Variants in SAXO3 observed in about 807,000 individuals in gnomAD.
SAXO3 encodes the protein CTB-60B18.10.
At chr19:49,019,251 T>A in the SAXO3 span, 1 of 1,315,032 alleles carries the variant, frequency 7.6e-7, no homozygotes, top group South Asian at 2.1e-5. Context: ...TTCAAGGAAC[T>A]CAAACCCAAG....
At chr19:49,019,315 G>T in the SAXO3 span, 1 of 1,190,396 alleles carries the variant, frequency 8.4e-7, no homozygotes, top group Non-Finnish European at 1.1e-6. Context: ...AAACCGTCTT[G>T]GTGTGGCCAC....
chr19:49,018,356 G>A, the SAXO3 span: 1 of 1,216,856 alleles, frequency 8.2e-7, no homozygotes, highest in Non-Finnish European at 1.0e-6. Flanking sequence ...GGAGCAGGGC[G>A]GGATGGTGAG....
chr19:49,019,181 C>G, the SAXO3 span: 1 of 1,412,210 alleles, frequency 7.1e-7, no homozygotes, highest in African/African-American at 1.5e-5. Context: ...ACTTCAGCTT[C>G]CTTTCTCATA....
At chr19:49,019,099 G>T in the SAXO3 span, 5 of 1,441,578 alleles carry the variant, frequency 3.5e-6, no homozygotes, top group Admixed American at 1.3e-4. Context: ...CTTCGGCCTC[G>T]ACAGCCATGA....
the SAXO3 span, chr19:49,019,065 G>T: frequency 6.8e-7 from 1 of 1,465,976 alleles, no homozygotes; most frequent in East Asian, 2.6e-5. Context: ...CCAAGCCCTG[G>T]GTCCCGAGTT....
the SAXO3 span, chr19:49,020,028 C>A: frequency 2.0e-6 from 3 of 1,464,498 alleles, no homozygotes; most frequent in Non-Finnish European, 2.7e-6. Flanking sequence ...GAGGTTGTCT[C>A]CCATCTGCTG....
chr19:49,019,992 G>A, the SAXO3 span: 1 of 1,510,306 alleles, frequency 6.6e-7, no homozygotes, highest in South Asian at 1.2e-5. Context: ...GGCCCGCCAT[G>A]GGTCTTGGGC....
chr19:49,019,133 C>T, the SAXO3 span: 1 of 1,428,224 alleles, frequency 7.0e-7, no homozygotes, highest in Non-Finnish European at 9.1e-7. Context: ...CACACCCCGC[C>T]CCAGGGTTAG....
At chr19:49,018,009 C>T in the SAXO3 span, 1 of 398,672 alleles carries the variant, frequency 2.5e-6, no homozygotes, top group Non-Finnish European at 4.4e-6. Flanking sequence ...CTGGAGTTCT[C>T]GGTACTGTAG....
chr19:49,018,699 T>C, the SAXO3 span, among the ~76,000 whole-genome samples: 1 of 151,302 alleles, frequency 6.6e-6, no homozygotes, highest in African/African-American at 2.4e-5. Context: ...TAAGGACTCC[T>C]GGGTGCTTAA....
chr19:49,018,944 G>T, the SAXO3 span: 1 of 1,534,346 alleles, frequency 6.5e-7, no homozygotes, highest in Non-Finnish European at 8.7e-7. Flanking sequence ...CGCCCCGGTC[G>T]GATACTGTGA....
the SAXO3 span, chr19:49,019,700 A>T: frequency 8.3e-6 from 10 of 1,203,004 alleles, no homozygotes; most frequent in Non-Finnish European, 1.1e-5. Context: ...TGGGGCCCGA[A>T]GTATTCCGGG....
the SAXO3 span, chr19:49,018,197 G>A: frequency 2.1e-6 from 1 of 467,724 alleles, no homozygotes; most frequent in Non-Finnish European, 3.5e-6. Context: ...GCTGACGCGC[G>A]GCACGCGGAC....
chr19:49,018,987 C>G, the SAXO3 span: 1 of 1,533,474 alleles, frequency 6.5e-7, no homozygotes, highest in South Asian at 1.2e-5. Context: ...GTTCTTCGTC[C>G]AGGCAATTAG....
the SAXO3 span, chr19:49,019,006 C>T: frequency 6.5e-7 from 1 of 1,531,612 alleles, no homozygotes; most frequent in African/African-American, 1.4e-5. Flanking sequence ...AGAGCCTGAG[C>T]AAGATTGGGG....
chr19:49,019,699 A>C, the SAXO3 span: 1 of 1,205,580 alleles, frequency 8.3e-7, no homozygotes, highest in Non-Finnish European at 1.1e-6. Context: ...CTGGGGCCCG[A>C]AGTATTCCGG....
chr19:49,020,104 C>A, the SAXO3 span: 197 of 1,225,728 alleles, frequency 1.6e-4, no homozygotes, highest in Non-Finnish European at 2.0e-4. Context: ...GGTCCGCGAC[C>A]GTGGACTGGA....
the SAXO3 span, chr19:49,018,242 C>G: frequency 1.2e-6 from 1 of 825,650 alleles, no homozygotes; most frequent in Non-Finnish European, 1.6e-6. Flanking sequence ...GGAGCGCGGA[C>G]AGGGCGGCCG....
chr19:49,019,719 G>T, the SAXO3 span: 1 of 1,169,602 alleles, frequency 8.5e-7, no homozygotes, highest in Admixed American at 3.9e-5. Flanking sequence ...GGGCGCGCGG[G>T]TCCCCGCTGG....
Sources: allele counts gnomAD v4.1 joint callset (sites outside exome capture counted in the v4.1 genomes callset), GRCh38; gene constraint gnomAD v4.1.1; transcripts MANE v1.5; gene names NCBI Gene and HGNC (gene_info 2026-07-23, HGNC 2026-07-21).